Variants in CCSER1 observed in about 807,000 individuals in gnomAD.
The protein encoded by CCSER1 is serine-rich coiled-coil domain-containing protein 1.
A neutral mutation model predicts 82.0 loss-of-function variants in CCSER1; 41 were observed. That is an observed-to-expected ratio of 0.50 (90% CI 0.39 to 0.65). CCSER1 has a LOEUF of 0.65. Ranked by LOEUF, CCSER1 falls within the 30% of genes least tolerant of loss-of-function variation. The pLI is 0.00. For synonymous variants in CCSER1, 414 were observed against 383.9 expected (o/e 1.08, Z -0.92); for missense variants, 1,119 against 1,064.2 (o/e 1.05, Z -0.72).
intron 10 of CCSER1, among the ~76,000 whole-genome samples, chr4:91,360,196 G>A (rs1167622675): frequency 3.3e-5 from 5 of 151,770 alleles, no homozygotes; most frequent in African/African-American, 1.2e-4. Context: ...AAATTGATGT[G>A]TGGGAAAGAT....
At chr4:90,732,054 T>G (rs1056952197) in intron 7 of CCSER1, among the ~76,000 whole-genome samples, 1 of 151,458 alleles carries the variant, frequency 6.6e-6, no homozygotes, top group East Asian at 2.0e-4. Flanking sequence ...TCTCTCTCTC[T>G]CTCTCTCACT....
chr4:90,600,877 A>T (rs7666019), intron 5 of CCSER1, among the ~76,000 whole-genome samples: 4 of 151,608 alleles, frequency 2.6e-5, no homozygotes, highest in African/African-American at 7.3e-5. Flanking sequence ...TCTTTATATA[A>T]GCAATATTTT....
chr4:90,255,007 A>G (rs1352878452), intron 1 of CCSER1, among the ~76,000 whole-genome samples: 7 of 150,524 alleles, frequency 4.7e-5, no homozygotes, highest in African/African-American at 7.5e-5. Flanking sequence ...ACACACACAC[A>G]CACGCACACT....
At chr4:90,880,341 T>A (rs116495068) in intron 8 of CCSER1, among the ~76,000 whole-genome samples, 88 of 152,194 alleles carry the variant, frequency 5.8e-4, no homozygotes, top group African/African-American at 2.0e-3. Flanking sequence ...TACGGGTCAG[T>A]AATCACTCAG....
At chr4:91,325,089 G>C in intron 10 of CCSER1, 2 of 446,032 alleles carry the variant, frequency 4.5e-6, no homozygotes, top group Non-Finnish European at 4.5e-6. Context: ...ATAGCTTGGG[G>C]CTACCCTTTA....
intron 10 of CCSER1, among the ~76,000 whole-genome samples, chr4:91,179,985 T>G (rs1483970340): frequency 6.6e-6 from 1 of 152,208 alleles, no homozygotes; most frequent in Non-Finnish European, 1.5e-5. Flanking sequence ...CAGATGGGGT[T>G]TTGGTGTGGA....
At chr4:90,526,633 G>T (rs1466558747) in intron 5 of CCSER1, among the ~76,000 whole-genome samples, 1 of 152,044 alleles carries the variant, frequency 6.6e-6, no homozygotes, top group Non-Finnish European at 1.5e-5. Flanking sequence ...TTGGTTTTCG[G>T]TTCCTGTGTT....
chr4:90,372,517 A>C (rs2153526235), intron 3 of CCSER1, among the ~76,000 whole-genome samples: 1 of 152,232 alleles, frequency 6.6e-6, no homozygotes, highest in Non-Finnish European at 1.5e-5. Context: ...TGGGAGGCCG[A>C]GGCAGGCAGA....
At chr4:90,689,925 G>A (rs750314711) in intron 6 of CCSER1, among the ~76,000 whole-genome samples, 3 of 152,070 alleles carry the variant, frequency 2.0e-5, no homozygotes, top group South Asian at 2.1e-4. Context: ...GTCTAGGCAC[G>A]TCCAGCAACT....
chr4:91,424,027 T>TTG (rs869264659), intron 10 of CCSER1, among the ~76,000 whole-genome samples: 1 of 141,908 alleles, frequency 7.0e-6, no homozygotes, highest in South Asian at 2.2e-4. Flanking sequence ...TTTTTTTTTT[T>TTG]GAGACGGAGT....
intron 9 of CCSER1, among the ~76,000 whole-genome samples, chr4:91,038,908 G>A (rs1741680657): frequency 6.6e-6 from 1 of 152,148 alleles, no homozygotes; most frequent in African/African-American, 2.4e-5. Context: ...CTGGCCAAAA[G>A]GCAACCCTGA....
intron 10 of CCSER1, among the ~76,000 whole-genome samples, chr4:91,524,067 C>G (rs1760650353): frequency 6.6e-6 from 1 of 152,110 alleles, no homozygotes; most frequent in Non-Finnish European, 1.5e-5. Context: ...TTAAGAACAC[C>G]CATGTGAAGA....
Position 91,099,306 on chromosome 4 carries a change from A to T in CCSER1, c.2217+13312A>T, listed in dbSNP as rs1724825914. Among the ~76,000 whole-genome samples the T allele has an allele frequency of 2.6e-5, 4 of 152,240 alleles. No homozygotes were observed. In the South Asian group the frequency reaches 8.3e-4, roughly 31 times the overall value. On this transcript the variant is annotated intron_variant, in intron 10 of 10. Coordinates refer to ENST00000509176, the MANE Select transcript of CCSER1 (RefSeq NM_001145065.2). Reference sequence around the variant, plus strand: ...AATTTTTCAGTGGTTTGGTGCCTATAGCCCACCACTAAGATGTATCTGATG... The same window carrying T: ...AATTTTTCAGTGGTTTGGTGCCTATTGCCCACCACTAAGATGTATCTGATG...
chr4:91,320,677 C>T (rs1746135451), intron 10 of CCSER1, among the ~76,000 whole-genome samples: 1 of 151,982 alleles, frequency 6.6e-6, no homozygotes. Context: ...TAAATGGGTA[C>T]TTTCTGTGCA....
chr4:91,171,833 T>A (rs1732789008), intron 10 of CCSER1, among the ~76,000 whole-genome samples: 2 of 152,098 alleles, frequency 1.3e-5, no homozygotes, highest in South Asian at 4.1e-4. Flanking sequence ...ACTGTCACCA[T>A]GAAAAATAAT....
chr4:90,752,337 C>T (rs937615294), intron 7 of CCSER1, among the ~76,000 whole-genome samples: 7 of 151,966 alleles, frequency 4.6e-5, no homozygotes, highest in African/African-American at 1.4e-4. Context: ...TTGCAGGGAA[C>T]CTTTCTGTTT....
At chr4:91,019,782 C>G (rs1224144094) in intron 9 of CCSER1, among the ~76,000 whole-genome samples, 1 of 152,118 alleles carries the variant, frequency 6.6e-6, no homozygotes, top group African/African-American at 2.4e-5. Context: ...TAAATGGGAT[C>G]CTTAGAGCAC....
At chr4:90,695,816 G>A (rs1736894970) in intron 6 of CCSER1, among the ~76,000 whole-genome samples, 1 of 151,586 alleles carries the variant, frequency 6.6e-6, no homozygotes, top group Non-Finnish European at 1.5e-5. Flanking sequence ...TTACATTGTT[G>A]CATAAGATTT....
chr4:90,749,602 A>G (rs183472883), intron 7 of CCSER1, among the ~76,000 whole-genome samples: 2,035 of 152,106 alleles, frequency 0.013, 54 homozygotes, highest in African/African-American at 0.046. Flanking sequence ...GATGGGGATG[A>G]CATTGAATCT....
Sources: gnomAD v4.1 joint callset for allele counts (sites outside exome capture counted in the v4.1 genomes callset) on GRCh38, gnomAD v4.1.1 for gene constraint, MANE v1.5 for transcripts, NCBI Gene and HGNC (gene_info 2026-07-23, HGNC 2026-07-21) for gene names.